The following CLSTN2 variants were observed in gnomAD, a reference collection of about 807,000 sequenced individuals.
CLSTN2 encodes calsyntenin-2.
Under a neutral mutation model 101.2 loss-of-function variants are expected in CLSTN2, and 48 were observed. That is an observed-to-expected ratio of 0.47 (90% CI 0.38 to 0.60). The LOEUF (loss-of-function observed/expected upper bound fraction) is 0.60, where lower values mean the gene tolerates loss of function less well. Among genes scored for constraint, CLSTN2 ranks in the 20% least tolerant of loss-of-function variants. CLSTN2 has a pLI of 0.00. For missense variants in CLSTN2, 1,160 were observed against 1,238.2 expected, an observed-to-expected ratio of 0.94 and a Z score of 0.95; for synonymous variants, 481 against 463.6, an observed-to-expected ratio of 1.04 and a Z score of -0.48.
At chr3:140,170,609 CAG>C (rs1471800781) in intron 1 of CLSTN2, among the ~76,000 whole-genome samples, 11 of 152,162 alleles carry the variant, frequency 7.2e-5, no homozygotes, top group African/African-American at 2.7e-4. Context: ...GAAGTAGTGA[CAG>C]AGAGGAGTAA....
intron 1 of CLSTN2, among the ~76,000 whole-genome samples, chr3:140,054,957 C>T (rs190801359): frequency 6.6e-6 from 1 of 152,264 alleles, no homozygotes; most frequent in East Asian, 1.9e-4. Context: ...TTCTCAGAAA[C>T]CTGACTATTT....
At chr3:140,400,956 A>G (rs1187551435) in intron 2 of CLSTN2, among the ~76,000 whole-genome samples, 6 of 152,192 alleles carry the variant, frequency 3.9e-5, no homozygotes, top group Admixed American at 2.0e-4. Flanking sequence ...TAGCACACAT[A>G]GCTCTCCTTC....
chr3:140,328,549 A>G (rs2107927799), intron 2 of CLSTN2, among the ~76,000 whole-genome samples: 1 of 152,336 alleles, frequency 6.6e-6, no homozygotes, highest in African/African-American at 2.4e-5. Flanking sequence ...GATGGAAAGA[A>G]GAGAGCTGAG....
At chr3:140,063,669 C>T (rs1406915938) in intron 1 of CLSTN2, among the ~76,000 whole-genome samples, 1 of 152,126 alleles carries the variant, frequency 6.6e-6, no homozygotes, top group Admixed American at 6.5e-5. Flanking sequence ...ATTAAACAAC[C>T]CCTTCCGTTG....
intron 2 of CLSTN2, among the ~76,000 whole-genome samples, chr3:140,286,301 C>G (rs2086895271): frequency 6.6e-6 from 1 of 151,936 alleles, no homozygotes; most frequent in Non-Finnish European, 1.5e-5. Flanking sequence ...GTGGTGTTTT[C>G]AAGGAGATCT....
intron 1 of CLSTN2, among the ~76,000 whole-genome samples, chr3:140,102,975 A>G (rs1322289474): frequency 6.6e-6 from 1 of 152,218 alleles, no homozygotes; most frequent in Non-Finnish European, 1.5e-5. Flanking sequence ...AAATAAGGAT[A>G]TTAATATCTA....
At chr3:139,972,165 G>A (rs551444980) in intron 1 of CLSTN2, among the ~76,000 whole-genome samples, 8 of 152,240 alleles carry the variant, frequency 5.3e-5, no homozygotes, top group African/African-American at 1.9e-4. Flanking sequence ...TTGGGAGGCT[G>A]AGGCAGGAGA....
chr3:140,164,213 G>A (rs1214515205), intron 1 of CLSTN2, among the ~76,000 whole-genome samples: 1 of 150,788 alleles, frequency 6.6e-6, no homozygotes, highest in African/African-American at 2.5e-5. Context: ...ATCTTCTTCT[G>A]CATGGCTCCT....
intron 2 of CLSTN2, among the ~76,000 whole-genome samples, chr3:140,337,484 C>T (rs938197866): frequency 1.3e-5 from 2 of 152,196 alleles, no homozygotes; most frequent in Admixed American, 6.5e-5. Flanking sequence ...ACCCCAATGA[C>T]CGTATTTCTA....
At chr3:140,260,219 C>A (rs2086639830) in intron 2 of CLSTN2, among the ~76,000 whole-genome samples, 1 of 150,444 alleles carries the variant, frequency 6.6e-6, no homozygotes, top group Non-Finnish European at 1.5e-5. Context: ...TCTTTTCTTG[C>A]CATATTACAC....
chr3:140,520,494 C>T (rs1375561951), intron 8 of CLSTN2, among the ~76,000 whole-genome samples: 1 of 152,184 alleles, frequency 6.6e-6, no homozygotes, highest in Non-Finnish European at 1.5e-5. Context: ...TCTCATGAGA[C>T]TCACTCACTA....
chr3:140,082,887 A>C (rs1211736721), intron 1 of CLSTN2, among the ~76,000 whole-genome samples: 1 of 152,170 alleles, frequency 6.6e-6, no homozygotes, highest in African/African-American at 2.4e-5. Context: ...CCTTAGTAGC[A>C]AGCCCAGGTC....
At chr3:140,098,977 A>G (rs1328421236) in intron 1 of CLSTN2, among the ~76,000 whole-genome samples, 3 of 152,160 alleles carry the variant, frequency 2.0e-5, no homozygotes, top group African/African-American at 7.2e-5. Context: ...ACACACGGAC[A>G]TGGGAGGTGG....
intron 2 of CLSTN2, among the ~76,000 whole-genome samples, chr3:140,262,835 T>C (rs568846804): frequency 1.4e-4 from 21 of 151,890 alleles, no homozygotes; most frequent in Non-Finnish European, 2.5e-4. Flanking sequence ...TTATGAAGAA[T>C]GGGGACAGTA....
intron 2 of CLSTN2, among the ~76,000 whole-genome samples, chr3:140,387,510 G>T (rs1479805194): frequency 6.6e-6 from 1 of 152,172 alleles, no homozygotes; most frequent in Admixed American, 6.5e-5. Context: ...AGTGTTTGTT[G>T]TTCCTCCTTA....
chr3:140,484,554 A>G (rs1255883975), intron 8 of CLSTN2, among the ~76,000 whole-genome samples: 3 of 152,102 alleles, frequency 2.0e-5, no homozygotes, highest in Non-Finnish European at 2.9e-5. Flanking sequence ...TATCCTGCAG[A>G]GTGTTTTCCA....
chr3:140,503,761 A>C (rs565274099), intron 8 of CLSTN2, among the ~76,000 whole-genome samples: 10 of 152,296 alleles, frequency 6.6e-5, no homozygotes, highest in Admixed American at 5.9e-4. Flanking sequence ...CCAACAGTTA[A>C]AGACAGCAGA....
At chr3:140,257,569 T>TGA (rs1267882036) in intron 2 of CLSTN2, among the ~76,000 whole-genome samples, 4 of 148,462 alleles carry the variant, frequency 2.7e-5, no homozygotes, top group African/African-American at 1.0e-4. Context: ...GGGGTGTGTG[T>TGA]GTGTGTGTGT....
chr3:140,252,498 A>G (rs1559819739), intron 2 of CLSTN2, among the ~76,000 whole-genome samples: 1 of 152,180 alleles, frequency 6.6e-6, no homozygotes, highest in East Asian at 1.9e-4. Context: ...CTTTCCTGAC[A>G]CAGAAGGGCG....
Sources: gnomAD v4.1 joint callset for allele counts (sites outside exome capture counted in the v4.1 genomes callset) on GRCh38, gnomAD v4.1.1 for gene constraint, MANE v1.5 for transcripts, NCBI Gene and HGNC (gene_info 2026-07-23, HGNC 2026-07-21) for gene names.